Variants in FSTL4 observed in about 807,000 individuals in gnomAD.
FSTL4 encodes the protein follistatin-related protein 4.
In FSTL4, 28 loss-of-function variants were observed where a neutral mutation model predicts 78.2. The ratio of observed to expected loss-of-function variants is 0.36; its 90% CI spans 0.27 to 0.49. The LOEUF (loss-of-function observed/expected upper bound fraction) is 0.49. FSTL4 is among the 20% of genes least tolerant of loss of function. The probability of loss-of-function intolerance (pLI) is 0.98; values close to 1 mark genes in which losing one functional copy is unlikely to be tolerated. For synonymous variants in FSTL4, 422 were observed against 440.5 expected (o/e 0.96, Z 0.53); for missense variants, 922 against 1,084.9 (o/e 0.85, Z 2.11).
intron 3 of FSTL4, among the ~76,000 whole-genome samples, chr5:133,518,715 C>T (rs573383950): frequency 4.6e-5 from 7 of 152,084 alleles, no homozygotes; most frequent in Middle Eastern, 3.2e-3. Context: ...TTTCTTAACC[C>T]GTGCATAGGA....
the FSTL4 span, among the ~76,000 whole-genome samples, chr5:133,721,819 G>T: frequency 6.6e-6 from 1 of 152,050 alleles, no homozygotes; most frequent in Non-Finnish European, 1.5e-5. Flanking sequence ...TGTTCATATC[G>T]CTCTGAAAAC....
chr5:133,705,408 C>A, the FSTL4 span, among the ~76,000 whole-genome samples: 1 of 152,118 alleles, frequency 6.6e-6, no homozygotes, highest in African/African-American at 2.4e-5. Flanking sequence ...GGAAATGGCA[C>A]AGAGGCTGCC....
intron 3 of FSTL4, among the ~76,000 whole-genome samples, chr5:133,533,758 A>G (rs1169846024): frequency 6.6e-6 from 1 of 152,142 alleles, no homozygotes; most frequent in Non-Finnish European, 1.5e-5. Flanking sequence ...CCCACCCCAG[A>G]GCAGATGGAC....
chr5:133,289,099 T>C (rs1753199833), intron 6 of FSTL4, among the ~76,000 whole-genome samples: 1 of 152,166 alleles, frequency 6.6e-6, no homozygotes. Flanking sequence ...AGATCCCAGC[T>C]GCCCTTGGGA....
chr5:133,640,800 C>T, the FSTL4 span, among the ~76,000 whole-genome samples: 3 of 152,260 alleles, frequency 2.0e-5, no homozygotes, highest in African/African-American at 7.2e-5. Flanking sequence ...GGCCGCTGGG[C>T]AAAGTTGAGA....
chr5:133,728,729 G>A, the FSTL4 span, among the ~76,000 whole-genome samples: 34 of 152,188 alleles, frequency 2.2e-4, no homozygotes, highest in African/African-American at 7.0e-4. Context: ...TAGTCAGATC[G>A]GATGTCTAAC....
rs1753914320 is a variant in FSTL4, at chr5:133,316,722, G to T, written c.410-70C>A. 6 of 1,318,878 alleles carry T rather than the reference G, an allele frequency of 4.5e-6. No individual in the cohort carries two copies. In the South Asian group the frequency reaches 5.3e-5, roughly 12 times the overall value. The allele number at this position is 1,318,878 out of a possible 1,614,324, so 81.7% of individuals were successfully genotyped here. A position where few individuals can be genotyped will look rare whatever the true frequency, so the allele number is the denominator to read the frequency against. ...TCTTGAGAGAACATTCTTGCCGCTG[G>T]TCCATTCATCTCACTCACAAATAGC... On this transcript the variant is annotated intron_variant, in intron 4 of 15. Coordinates refer to ENST00000265342, the MANE Select transcript of FSTL4 (RefSeq NM_015082.2).
At chr5:133,730,894 G>T in the FSTL4 span, among the ~76,000 whole-genome samples, 1 of 152,230 alleles carries the variant, frequency 6.6e-6, no homozygotes, top group African/African-American at 2.4e-5. Context: ...CAAGAATGGG[G>T]TGCTTAATGC....
the FSTL4 span, among the ~76,000 whole-genome samples, chr5:133,671,108 G>A: frequency 6.6e-6 from 1 of 152,152 alleles, no homozygotes; most frequent in Non-Finnish European, 1.5e-5. Context: ...ATACTAGCCT[G>A]CTAAGGGGCG....
At chr5:133,295,673 GT>G (rs58263683) in intron 6 of FSTL4, among the ~76,000 whole-genome samples, 2,146 of 152,232 alleles carry the variant, frequency 0.014, 46 homozygotes, top group African/African-American at 0.049. Flanking sequence ...ACTAATACAA[GT>G]CTCTTTTCTT....
At chr5:133,431,945 G>A (rs1756949056) in intron 3 of FSTL4, among the ~76,000 whole-genome samples, 1 of 152,050 alleles carries the variant, frequency 6.6e-6, no homozygotes, top group South Asian at 2.1e-4. Context: ...ATTTTATATA[G>A]AAGAACTCAT....
At chr5:133,326,136 T>C (rs985158924) in intron 4 of FSTL4, among the ~76,000 whole-genome samples, 9 of 152,234 alleles carry the variant, frequency 5.9e-5, no homozygotes, top group African/African-American at 2.2e-4. Context: ...GGAGTTTAGC[T>C]TAAGAGGAAC....
the FSTL4 span, among the ~76,000 whole-genome samples, chr5:133,657,615 A>G: frequency 2.0e-5 from 3 of 152,162 alleles, no homozygotes; most frequent in African/African-American, 4.8e-5. Context: ...TATTAATGTT[A>G]CTAGATATCT....
intron 4 of FSTL4, among the ~76,000 whole-genome samples, chr5:133,344,799 T>G (rs13159148): frequency 0.15 from 23,016 of 152,166 alleles, 1,989 homozygotes; most frequent in East Asian, 0.37. Context: ...CTGTTCTAAC[T>G]TGAATGGATT....
intron 4 of FSTL4, among the ~76,000 whole-genome samples, chr5:133,356,200 A>G (rs1343562172): frequency 6.6e-6 from 1 of 152,254 alleles, no homozygotes; most frequent in African/African-American, 2.4e-5. Context: ...CCATAGATTC[A>G]ATCACAAACA....
At chr5:133,625,747 C>CAT in the FSTL4 span, among the ~76,000 whole-genome samples, 5 of 50,544 alleles carry the variant, frequency 9.9e-5, no homozygotes, top group East Asian at 4.3e-4. Flanking sequence ...ATATATATTC[C>CAT]ATATATATAT....
chr5:133,660,620 C>T, the FSTL4 span, among the ~76,000 whole-genome samples: 1 of 152,188 alleles, frequency 6.6e-6, no homozygotes, highest in Non-Finnish European at 1.5e-5. Context: ...GCCCAGGATT[C>T]ATAAGGTGCC....
chr5:133,482,615 C>G (rs557971834), intron 3 of FSTL4, among the ~76,000 whole-genome samples: 5 of 152,358 alleles, frequency 3.3e-5, no homozygotes, highest in Admixed American at 3.3e-4. Flanking sequence ...ACAGCAGAAA[C>G]AGACGCCAGG....
At chr5:133,785,217 C>T in the FSTL4 span, among the ~76,000 whole-genome samples, 2 of 152,150 alleles carry the variant, frequency 1.3e-5, no homozygotes, top group South Asian at 4.1e-4. Context: ...CACCACAGCC[C>T]CTGTTCCTTC....
Sources: allele counts gnomAD v4.1 joint callset (sites outside exome capture counted in the v4.1 genomes callset), GRCh38; gene constraint gnomAD v4.1.1; transcripts MANE v1.5; gene names NCBI Gene and HGNC (gene_info 2026-07-23, HGNC 2026-07-21).